USF3: variants seen among roughly 807,000 people sequenced by gnomAD.
The protein encoded by USF3 is basic helix-loop-helix domain-containing protein USF3.
Under a neutral mutation model 157.5 loss-of-function variants are expected in USF3, and 29 were observed. The ratio of observed to expected loss-of-function variants is 0.18; its 90% confidence interval spans 0.14 to 0.25. The LOEUF is 0.25. Ranked by LOEUF, USF3 falls within the 10% of genes least tolerant of loss-of-function variation. The probability of loss-of-function intolerance (pLI) is 1.00; values close to 1 mark genes in which losing one functional copy is unlikely to be tolerated. For missense variants in USF3, 2,381 were observed against 2,667.6 expected (o/e 0.89, Z 2.37); for synonymous variants, 893 against 941.4 (o/e 0.95, Z 0.94).
At chr3:113,695,718 G>A (rs1353749263) in intron 1 of USF3, among the ~76,000 whole-genome samples, 1 of 152,198 alleles carries the variant, frequency 6.6e-6, no homozygotes, top group African/African-American at 2.4e-5. Context: ...TCAAGAACGA[G>A]TGGGGTGAAT....
chr3:113,685,096 CTG>C (rs1305212077), intron 1 of USF3, among the ~76,000 whole-genome samples: 1 of 152,208 alleles, frequency 6.6e-6, no homozygotes, highest in Non-Finnish European at 1.5e-5. Context: ...TCCAGTAATG[CTG>C]TGTCTTTTGC....
Position 113,650,907 on chromosome 3 carries a change from G to A in USF3, c.*4037C>T, listed in dbSNP as rs114178981. On this transcript the variant is annotated 3_prime_UTR_variant, in exon 7 of 7. Coordinates refer to ENST00000316407, the MANE Select transcript of USF3 (RefSeq NM_001009899.4). ...TTCCTACACCTTACCTAGAAAAAAGGTGCCATCTCTGGTACCGCAAAAGGT... is the reference window on the plus strand; with the variant it reads ...TTCCTACACCTTACCTAGAAAAAAGATGCCATCTCTGGTACCGCAAAAGGT... 100 of 152,140 alleles carry A rather than the reference G, an allele frequency of 6.6e-4. No individual in the cohort carries two copies. Among genetic ancestry groups the A allele is most frequent in the African/African-American group, 2.3e-3 (94 of 41,516 alleles). The allele number at this position is 152,140 out of a possible 1,614,324, so 9.4% of individuals were successfully genotyped here. A position where few individuals can be genotyped will look rare whatever the true frequency, so the allele number is the denominator to read the frequency against.
At chr3:113,670,904 A>G (rs376764132) in intron 4 of USF3, among the ~76,000 whole-genome samples, 2 of 151,880 alleles carry the variant, frequency 1.3e-5, no homozygotes, top group African/African-American at 4.8e-5. Context: ...ACCATGCCCA[A>G]CTATTTTTTT....
rs574958405 is a variant in USF3, at chr3:113,667,849, A to G, written c.159+2272T>C. Among the ~76,000 whole-genome samples, 3 of 151,438 alleles carry G rather than the reference A, an allele frequency of 2.0e-5. No homozygotes were observed. In the East Asian group the frequency reaches 5.8e-4, roughly 29 times the overall value. The stretch of plus-strand genomic sequence containing the variant: ...GCCACTGCATTCCAGCCTAGGCAAC[A>G]GAGTGAGACTGTCTCAAAACAAACA... On this transcript the variant is annotated intron_variant, in intron 5 of 6. Transcript: ENST00000316407.
rs1165559164 is a variant in USF3, at chr3:113,667,798, C to T, written c.159+2323G>A. 3.3e-5 allele frequency among the ~76,000 whole-genome samples: 5 copies of T among 151,996 alleles called. No individual in the cohort carries two copies. The South Asian group carries it at 6.2e-4, about 19-fold the overall frequency. Reference sequence around the variant, plus strand: ...AAGAGAATCACTTGAACCTGGGAGGCGGAGGTTGCAGTGAGCCGAGATCAT... The same window carrying T: ...AAGAGAATCACTTGAACCTGGGAGGTGGAGGTTGCAGTGAGCCGAGATCAT... On this transcript the variant is annotated intron_variant, in intron 5 of 6. Coordinates refer to ENST00000316407, the MANE Select transcript of USF3 (RefSeq NM_001009899.4).
chr3:113,689,136 G>T (rs924256292), intron 1 of USF3, among the ~76,000 whole-genome samples: 1 of 152,182 alleles, frequency 6.6e-6, no homozygotes, highest in Non-Finnish European at 1.5e-5. Context: ...AATAGGAATA[G>T]CCTTTGATGT....
chr3:113,656,009 G>A lies in USF3; in HGVS notation c.5673C>T (p.Ser1891=). The part of the protein sequence containing the change: ...MSLGAINTRN[S]TLNIPFSSSS... Reference sequence around the variant, plus strand: ...AACTTGAAAAAGGAATATTCAAGGTGCTGTTCCTGGTGTTAATTGCACCTA... The same window carrying A: ...AACTTGAAAAAGGAATATTCAAGGTACTGTTCCTGGTGTTAATTGCACCTA... The change falls in exon 7 of 7, where the codon AGC becomes AGT. Residue 1891 remains serine (S), a synonymous_variant. Transcript: ENST00000316407. The A allele has an allele frequency of 6.2e-7, 1 of 1,614,190 alleles. No individual in the cohort carries two copies. Among genetic ancestry groups the A allele is most frequent in the Non-Finnish European group, 8.5e-7 (1 of 1,180,026 alleles).
At chr3:113,689,691 A>G (rs1188409660) in intron 1 of USF3, among the ~76,000 whole-genome samples, 4 of 152,020 alleles carry the variant, frequency 2.6e-5, no homozygotes, top group Non-Finnish European at 5.9e-5. Context: ...AACTTGGCCA[A>G]TCTCTCCTAA....
At chr3:113,692,270 T>C (rs541895587) in intron 1 of USF3, among the ~76,000 whole-genome samples, 1 of 152,190 alleles carries the variant, frequency 6.6e-6, no homozygotes, top group African/African-American at 2.4e-5. Context: ...TGTCTTAACA[T>C]GAAATACAAT....
intron 1 of USF3, among the ~76,000 whole-genome samples, chr3:113,690,534 C>T (rs1439602360): frequency 1.3e-5 from 2 of 152,194 alleles, no homozygotes; most frequent in African/African-American, 4.8e-5. Flanking sequence ...GTACAACACA[C>T]ATAAAAGCAG....
rs1437193638 is a variant in USF3 at position 113,650,849 on chromosome 3, T to G, written c.*4095A>C. The G allele has an allele frequency of 6.6e-6, 1 of 152,198 alleles. No individual in the cohort carries two copies. Among genetic ancestry groups the G allele is most frequent in the Non-Finnish European group, 1.5e-5 (1 of 68,036 alleles). 9.4% of individuals were successfully genotyped at this position (152,198 alleles called of 1,614,324 possible). A position where few individuals can be genotyped will look rare whatever the true frequency, so the allele number is the denominator to read the frequency against. On this transcript the variant is annotated 3_prime_UTR_variant, in exon 7 of 7. Coordinates refer to ENST00000316407, the MANE Select transcript of USF3 (RefSeq NM_001009899.4). ...CCTTTCTCTTTCCCCAGTTCTGATA[T>G]GTTAAATTTTACGAAGCAAGACCAT...
At chr3:113,674,955 T>C in intron 2 of USF3, 59 bp from the exon 3 acceptor site, 4 of 1,085,222 alleles carry the variant, frequency 3.7e-6, no homozygotes, top group Non-Finnish European at 5.7e-6. Context: ...CTTACAAAAA[T>C]TGGTCAATAG....
intron 5 of USF3, among the ~76,000 whole-genome samples, chr3:113,664,994 A>G (rs1034860565): frequency 6.6e-6 from 1 of 152,212 alleles, no homozygotes; most frequent in Non-Finnish European, 1.5e-5. Flanking sequence ...ACCTTCCAGA[A>G]CTGTGAGAAA....
In USF3 at chr3:113,649,552, G is replaced by C. The variant is rs952101886; in HGVS notation, c.*5392C>G. On this transcript the variant is annotated 3_prime_UTR_variant, in exon 7 of 7. Coordinates refer to ENST00000316407, the MANE Select transcript of USF3 (RefSeq NM_001009899.4). ...ACAAATCAACATCAAAGATGGCTCA[G>C]AGAATGGTAAGGCAACAGTGAGAAA... is the stretch of plus-strand genomic sequence containing the variant. 2 of 351,002 alleles carry C rather than the reference G, an allele frequency of 5.7e-6. No individual in the cohort carries two copies. Among genetic ancestry groups the C allele is most frequent in the African/African-American group, 2.1e-5 (1 of 47,562 alleles). The allele number at this position is 351,002 out of a possible 1,614,324, so 21.7% of individuals were successfully genotyped here.
At chr3:113,687,335 C>A (rs555331808) in intron 1 of USF3, among the ~76,000 whole-genome samples, 1 of 152,112 alleles carries the variant, frequency 6.6e-6, no homozygotes, top group East Asian at 1.9e-4. Flanking sequence ...GTTTCCCCTG[C>A]CCCACTCTTA....
Position 113,670,120 on chromosome 3 carries a change from C to T in USF3, c.159+1G>A, listed in dbSNP as rs1707113546. On this transcript the variant is annotated splice_donor_variant, in intron 5 of 6. Coordinates refer to ENST00000316407, the MANE Select transcript of USF3 (RefSeq NM_001009899.4). LOFTEE classifies it high-confidence loss of function. ...AATGAAGATATGAGTAGACTTCTTACCTGCTTCAGGGCAGGAGAACATGGG... is the reference window on the plus strand; with the variant it reads ...AATGAAGATATGAGTAGACTTCTTATCTGCTTCAGGGCAGGAGAACATGGG... 6.2e-7 allele frequency: 1 copy of T among 1,605,670 alleles called. No individual in the cohort carries two copies. The highest frequency in any genetic ancestry group is 1.7e-5 in the Admixed American group (1 of 59,988).
chr3:113,688,023 C>T (rs1707596557), intron 1 of USF3, among the ~76,000 whole-genome samples: 1 of 152,172 alleles, frequency 6.6e-6, no homozygotes, highest in Non-Finnish European at 1.5e-5. Flanking sequence ...ACTCTTTGGT[C>T]TTATGCTAGT....
chr3:113,659,144 A>G lies in USF3; in HGVS notation c.2538T>C (p.Ala846=), dbSNP rs768523474. 6 of 1,614,122 alleles carry G rather than the reference A, an allele frequency of 3.7e-6. No homozygotes were observed. In the East Asian group the frequency reaches 1.3e-4, roughly 36 times the overall value. Residue 846 remains alanine (A), a synonymous_variant, in exon 7 of 7, where the codon GCT becomes GCC. Coordinates refer to ENST00000316407, the MANE Select transcript of USF3 (RefSeq NM_001009899.4). The part of the protein sequence containing the change: ...CNDGLLESFP[A]VLPSVSVSQA... ...GAGACACAGAGACAGATGGTAACAC[A>G]GCAGGGAAGCTTTCTAGCAGTCCAT...
chr3:113,688,901 G>A (rs1707620615), intron 1 of USF3, among the ~76,000 whole-genome samples: 1 of 152,066 alleles, frequency 6.6e-6, no homozygotes, highest in South Asian at 2.1e-4. Context: ...CGTGGTGGCG[G>A]GAGCCTGTAG....
Sources: allele counts gnomAD v4.1 joint callset (sites outside exome capture counted in the v4.1 genomes callset), GRCh38; gene constraint gnomAD v4.1.1; transcripts MANE v1.5; gene names NCBI Gene and HGNC (gene_info 2026-07-23, HGNC 2026-07-21).